The following ABI2 variants were observed in gnomAD, a reference collection of about 807,000 sequenced individuals.
The protein encoded by ABI2 is abelson interactor 2.
A neutral mutation model predicts 59.2 loss-of-function variants in ABI2; 25 were observed. The ratio of observed to expected loss-of-function variants is 0.42; its 90% CI spans 0.31 to 0.59. The LOEUF is 0.59. Among genes scored for constraint, ABI2 ranks in the 20% least tolerant of loss-of-function variants. The probability of loss-of-function intolerance (pLI) is 0.14; values close to 1 mark genes in which losing one functional copy is unlikely to be tolerated. For synonymous variants in ABI2, 213 were observed against 235.5 expected, an observed-to-expected ratio of 0.90 and a Z score of 0.87; for missense variants, 545 against 681.8, an observed-to-expected ratio of 0.80 and a Z score of 2.23.
chr2:203,328,454 GCGCTGCGGCCGCCGCTCC>G lies in ABI2; in HGVS notation c.-59_-42del, dbSNP rs550701105. The G allele has an allele frequency of 2.6e-3, 3,627 of 1,398,962 alleles. 8 individuals are homozygous for G. The highest frequency in any genetic ancestry group is 2.6e-3 in the Non-Finnish European group (2,687 of 1,015,824). The allele number at this position is 1,398,962 out of a possible 1,614,324, so 86.7% of individuals were successfully genotyped here. A position where few individuals can be genotyped will look rare whatever the true frequency, so the allele number is the denominator to read the frequency against. ...CCTCTCCCGGTCCTGGGTTTCCTTGGCGCTGCGGCCGCCGCTCCCTCTGCGACCTGTATGAGGAGGAGG... is the reference window on the plus strand; with the variant it reads ...CCTCTCCCGGTCCTGGGTTTCCTTGGCTCTGCGACCTGTATGAGGAGGAGG... On this transcript the variant is annotated 5_prime_UTR_variant, in exon 1 of 12. Coordinates refer to ENST00000261018, the MANE Select transcript of ABI2 (RefSeq NM_001375670.1).
intron 1 of ABI2, among the ~76,000 whole-genome samples, chr2:203,339,901 C>T (rs2078879458): frequency 6.6e-6 from 1 of 152,186 alleles, no homozygotes. Flanking sequence ...TGCAGTCACC[C>T]TTGTGGAACG....
intron 1 of ABI2, among the ~76,000 whole-genome samples, chr2:203,335,528 G>A (rs1466161119): frequency 6.6e-6 from 1 of 152,222 alleles, no homozygotes; most frequent in African/African-American, 2.4e-5. Context: ...TTCCCAAAGT[G>A]CTGGGATTAC....
intron 6 of ABI2, 44 bp downstream of exon 6, chr2:203,394,890 A>C: frequency 6.2e-7 from 1 of 1,600,626 alleles, no homozygotes. Context: ...TCATAGTACC[A>C]TAATCTGTTC....
At position 203,386,701 on chromosome 2, in the gene ABI2, C is replaced by T. The variant is rs918348445; in HGVS notation, c.481-4345C>T. Among the ~76,000 whole-genome samples, 20 of 143,238 alleles carry T rather than the reference C, an allele frequency of 1.4e-4. No homozygotes were observed. In the East Asian group the frequency reaches 3.8e-3, roughly 27 times the overall value. The allele number at this position is 143,238 out of a possible 152,430, so 94.0% of individuals were successfully genotyped here. A position where few individuals can be genotyped will look rare whatever the true frequency, so the allele number is the denominator to read the frequency against. ...TGTCACCCAAGGTGGAGTGCAGTGG[C>T]GCTATGGCTCACTGCAACCCCCGCC... is the stretch of plus-strand genomic sequence containing the variant. On this transcript the variant is annotated intron_variant, in intron 4 of 11. Transcript: ENST00000261018.
intron 1 of ABI2, among the ~76,000 whole-genome samples, chr2:203,333,927 C>G (rs1029758762): frequency 6.6e-6 from 1 of 150,996 alleles, no homozygotes; most frequent in African/African-American, 2.4e-5. Flanking sequence ...TTTATTTTTT[C>G]TTTTCTTTTT....
chr2:203,383,667 A>C (rs1010661485), intron 4 of ABI2, among the ~76,000 whole-genome samples: 14 of 152,286 alleles, frequency 9.2e-5, no homozygotes, highest in Admixed American at 6.5e-4. Context: ...AGAGTCTCCT[A>C]GAAAGATCTA....
chr2:203,333,943 C>CTTT (rs1428493426), intron 1 of ABI2, among the ~76,000 whole-genome samples: 2 of 143,460 alleles, frequency 1.4e-5, no homozygotes, highest in African/African-American at 2.6e-5. Context: ...TTTTTTCTTT[C>CTTT]TTTTTTTTTT....
At chr2:203,338,027 C>G (rs2152435040) in intron 1 of ABI2, among the ~76,000 whole-genome samples, 1 of 152,158 alleles carries the variant, frequency 6.6e-6, no homozygotes, top group African/African-American at 2.4e-5. Context: ...GAGACTCTGT[C>G]TCAAAAAAAG....
At chr2:203,423,583 G>GC (rs2098311786) in intron 11 of ABI2, among the ~76,000 whole-genome samples, 1 of 152,152 alleles carries the variant, frequency 6.6e-6, no homozygotes, top group South Asian at 2.1e-4. Context: ...CGGCCACCAT[G>GC]CCTGCTAAAT....
rs1016526985 is a variant in ABI2, at chr2:203,366,379, CATATT to C, written c.118-495_118-491del. Among the ~76,000 whole-genome samples, 93 of 152,092 alleles carry C rather than the reference CATATT, an allele frequency of 6.1e-4. 1 individual carries two copies. The highest frequency in any genetic ancestry group is 3.4e-3 in the Middle Eastern group (1 of 294). On this transcript the variant is annotated intron_variant, in intron 1 of 11. Transcript: ENST00000261018. ...TGATTATTATTACCATTTTATTTAT[CATATT>C]ATTTATAATTTTTTTCTTAAAATTT...
At position 203,369,203 on chromosome 2, in the gene ABI2, A is replaced by G. The variant is rs140401325; in HGVS notation, c.285+2159A>G. Among the ~76,000 whole-genome samples the G allele has an allele frequency of 5.4e-3, 828 of 152,078 alleles. 10 individuals carry two copies. Among genetic ancestry groups the G allele is most frequent in the African/African-American group, 0.019 (769 of 41,462 alleles). Reference sequence around the variant, plus strand: ...AATGTGATATAGAATTTCAAGATCTATTCTTGAGAATCCTAAAATTTTTCC... The same window carrying G: ...AATGTGATATAGAATTTCAAGATCTGTTCTTGAGAATCCTAAAATTTTTCC... On this transcript the variant is annotated intron_variant, in intron 2 of 11. Transcript: ENST00000261018.
At chr2:203,421,393 T>C (rs1055115554) in intron 11 of ABI2, among the ~76,000 whole-genome samples, 2 of 152,236 alleles carry the variant, frequency 1.3e-5, no homozygotes, top group African/African-American at 4.8e-5. Context: ...TGTTTGATGA[T>C]GTATCATCAA....
intron 11 of ABI2, among the ~76,000 whole-genome samples, chr2:203,418,613 C>T (rs373538806): frequency 2.6e-5 from 4 of 152,208 alleles, no homozygotes; most frequent in African/African-American, 7.2e-5. Context: ...AAGCAAGAAG[C>T]GCCAAAAAGA....
chr2:203,426,785 TAAAAAA>T (rs59683844), intron 11 of ABI2, among the ~76,000 whole-genome samples: 1 of 131,828 alleles, frequency 7.6e-6, no homozygotes, highest in Admixed American at 7.6e-5. Flanking sequence ...AGAAAAGCTT[TAAAAAA>T]AAAAAAAAAA....
chr2:203,395,448 T>TATATATATATACACACACAC (rs750379504), intron 6 of ABI2, among the ~76,000 whole-genome samples: 42 of 115,306 alleles, frequency 3.6e-4, no homozygotes, highest in South Asian at 3.3e-4. Context: ...TATATATATA[T>TATATATATATACACACACAC]ACACACACAC....
At chr2:203,364,733 A>T (rs1018682732) in intron 1 of ABI2, among the ~76,000 whole-genome samples, 6 of 148,680 alleles carry the variant, frequency 4.0e-5, no homozygotes, top group Non-Finnish European at 7.5e-5. Context: ...ATATTTTTTT[A>T]ATTTTTTTTT....
chr2:203,373,484 GGGGAGAGGGAGA>G (rs891277498), intron 2 of ABI2, among the ~76,000 whole-genome samples: 19 of 151,274 alleles, frequency 1.3e-4, no homozygotes, highest in Non-Finnish European at 2.5e-4. Flanking sequence ...CATGGGCCGT[GGGGAGAGGGAGA>G]GGGAGAGGGA....
chr2:203,366,288 C>T (rs1035029708), intron 1 of ABI2, among the ~76,000 whole-genome samples: 1 of 152,106 alleles, frequency 6.6e-6, no homozygotes, highest in South Asian at 2.1e-4. Context: ...CAATTTACAT[C>T]TTTTAGGGTT....
At chr2:203,366,406 A>T (rs908133917) in intron 1 of ABI2, among the ~76,000 whole-genome samples, 5 of 151,486 alleles carry the variant, frequency 3.3e-5, no homozygotes, top group Admixed American at 1.3e-4. Context: ...TTTTCTTAAA[A>T]TTTTTTTTTC....
Sources: gnomAD v4.1 joint callset for allele counts (sites outside exome capture counted in the v4.1 genomes callset) on GRCh38, gnomAD v4.1.1 for gene constraint, MANE v1.5 for transcripts, NCBI Gene and HGNC (gene_info 2026-07-23, HGNC 2026-07-21) for gene names.